PTCHD4: variants seen among roughly 807,000 people sequenced by gnomAD.
PTCHD4 encodes patched domain-containing protein 4.
A neutral mutation model predicts 58.1 loss-of-function variants in PTCHD4; 33 were observed. The ratio of observed to expected loss-of-function variants is 0.57; its 90% CI spans 0.43 to 0.76. PTCHD4 has a LOEUF of 0.76. Ranked by LOEUF, PTCHD4 falls within the 30% of genes least tolerant of loss-of-function variation. The pLI is 0.00. For synonymous variants in PTCHD4, 478 were observed against 409.6 expected (o/e 1.17, Z -2.02); for missense variants, 1,058 against 1,027.1 (o/e 1.03, Z -0.41).
chr6:47,862,540 A>T lies in PTCHD4; in HGVS notation c.*15763T>A, dbSNP rs946598469. ...TTGTCAATTTTTTTCTTCATATTTT[A>T]CTATTTATGGTCTAGTTTAACTTGG... On this transcript the variant is annotated 3_prime_UTR_variant, in exon 5 of 5. Coordinates refer to ENST00000339488, the MANE Select transcript of PTCHD4 (RefSeq NM_001384253.1). Among the ~76,000 whole-genome samples the T allele has an allele frequency of 2.0e-5, 3 of 151,640 alleles. No homozygotes were observed. Among genetic ancestry groups the T allele is most frequent in the African/African-American group, 7.3e-5 (3 of 41,378 alleles).
chr6:48,095,182 A>T (rs1582133549), intron 1 of PTCHD4, among the ~76,000 whole-genome samples: 1 of 152,236 alleles, frequency 6.6e-6, no homozygotes, highest in African/African-American at 2.4e-5. Flanking sequence ...ACTGCCAATT[A>T]TAAAGTATAA....
chr6:48,058,805 A>G (rs1764509382), intron 3 of PTCHD4, among the ~76,000 whole-genome samples: 1 of 152,214 alleles, frequency 6.6e-6, no homozygotes, highest in South Asian at 2.1e-4. Flanking sequence ...TAGCAAAGAG[A>G]GGTCACATTC....
intron 4 of PTCHD4, among the ~76,000 whole-genome samples, chr6:47,918,744 C>T (rs1459546210): frequency 6.6e-6 from 1 of 152,100 alleles, no homozygotes; most frequent in African/African-American, 2.4e-5. Context: ...CCTTCTTCTA[C>T]AATAACAGAA....
chr6:47,894,964 T>C (rs903283730), intron 4 of PTCHD4, among the ~76,000 whole-genome samples: 7 of 152,076 alleles, frequency 4.6e-5, no homozygotes, highest in Non-Finnish European at 7.4e-5. Flanking sequence ...AAACCTCGTC[T>C]CCACTAAAAA....
rs759558231 is a variant in PTCHD4 at position 48,068,479 on chromosome 6, G to A, written c.168C>T (p.Ser56=). 2.8e-5 allele frequency: 45 copies of A among 1,613,374 alleles called. No individual in the cohort carries two copies. The highest frequency in any genetic ancestry group is 1.6e-4 in the Middle Eastern group (1 of 6,084). The change falls in exon 3 of 5, where the codon AGC becomes AGT. Residue 56 remains serine (S), a synonymous_variant. Coordinates refer to ENST00000339488, the MANE Select transcript of PTCHD4 (RefSeq NM_001384253.1). This position sits in a 1 kb window ranked among gnomAD's most constrained non-coding sequence, Gnocchi z 4.2. ...PAVLTITFGL[S]ALNRFQPEGD... Reference sequence around the variant, plus strand: ...CCTCGGGCTGGAAGCGGTTGAGCGCGCTGAGGCCGAAGGTGATTGTCAGGA... The same window carrying A: ...CCTCGGGCTGGAAGCGGTTGAGCGCACTGAGGCCGAAGGTGATTGTCAGGA...
intron 3 of PTCHD4, among the ~76,000 whole-genome samples, chr6:48,059,786 C>T (rs1764552894): frequency 6.6e-6 from 1 of 152,138 alleles, no homozygotes; most frequent in Non-Finnish European, 1.5e-5. Context: ...ACCACCATCA[C>T]TCTTTAACCT....
Position 47,920,295 on chromosome 6 carries a change from A to G in PTCHD4, c.899-40359T>C, listed in dbSNP as rs375947318. 3.3e-5 allele frequency among the ~76,000 whole-genome samples: 5 copies of G among 152,112 alleles called. No homozygotes were observed. In the East Asian group the frequency reaches 7.7e-4, roughly 24 times the overall value. On this transcript the variant is annotated intron_variant, in intron 4 of 4. Coordinates refer to ENST00000339488, the MANE Select transcript of PTCHD4 (RefSeq NM_001384253.1). The stretch of plus-strand genomic sequence containing the variant: ...AGGATGGAGCTAGCAAAGGCAGAAA[A>G]TGTATATGTATATACGATGATGATT...
intron 4 of PTCHD4, among the ~76,000 whole-genome samples, chr6:47,912,472 C>T (rs965275516): frequency 6.6e-6 from 1 of 152,116 alleles, no homozygotes; most frequent in Non-Finnish European, 1.5e-5. Context: ...TTGCGTCCCC[C>T]AACACTAAAT....
intron 4 of PTCHD4, among the ~76,000 whole-genome samples, chr6:47,933,462 C>G (rs549787986): frequency 2.0e-5 from 3 of 152,292 alleles, no homozygotes; most frequent in African/African-American, 7.2e-5. Flanking sequence ...TCATTTTAGT[C>G]TAAATAAATT....
intron 4 of PTCHD4, among the ~76,000 whole-genome samples, chr6:47,983,278 T>G (rs1767950702): frequency 6.6e-6 from 1 of 152,168 alleles, no homozygotes; most frequent in African/African-American, 2.4e-5. Context: ...AAAAATGAAT[T>G]TCACCATATT....
chr6:47,904,251 G>A (rs1561949050), intron 4 of PTCHD4, among the ~76,000 whole-genome samples: 1 of 152,354 alleles, frequency 6.6e-6, no homozygotes, highest in Middle Eastern at 3.4e-3. Flanking sequence ...TGAAGGGTCA[G>A]TGCCAGTTAG....
At chr6:47,960,529 C>T (rs115552624) in intron 4 of PTCHD4, among the ~76,000 whole-genome samples, 1,851 of 151,836 alleles carry the variant, frequency 0.012, 35 homozygotes, top group African/African-American at 0.04. Flanking sequence ...ATCATGCTGA[C>T]GTGAACCAAA....
chr6:48,097,791 A>T (rs1765506008), intron 1 of PTCHD4, among the ~76,000 whole-genome samples: 1 of 152,236 alleles, frequency 6.6e-6, no homozygotes, highest in Non-Finnish European at 1.5e-5. Context: ...GAAAAAAATC[A>T]AAGCCATCAT....
chr6:47,967,942 C>T (rs765540081), intron 4 of PTCHD4, among the ~76,000 whole-genome samples: 4 of 152,152 alleles, frequency 2.6e-5, no homozygotes, highest in African/African-American at 4.8e-5. Context: ...GTTTCACTGT[C>T]TTGTCATTCA....
intron 1 of PTCHD4, among the ~76,000 whole-genome samples, chr6:48,103,811 C>T (rs1765659723): frequency 6.6e-6 from 1 of 152,136 alleles, no homozygotes. Context: ...AATGCACAAG[C>T]CTCAGTAACT....
In PTCHD4 at chr6:47,879,272, A is replaced by G. The variant is rs765374025; in HGVS notation, c.1563T>C (p.Tyr521=). 3 of 1,612,732 alleles carry G rather than the reference A, an allele frequency of 1.9e-6. No individual in the cohort carries two copies. The highest frequency in any genetic ancestry group is 2.5e-6 in the Non-Finnish European group (3 of 1,179,370). ...TGCTGTTCCAGTACTCTAGGGGCTCATAGACGTAGAATCCTATCACAGGGC... is the reference window on the plus strand; with the variant it reads ...TGCTGTTCCAGTACTCTAGGGGCTCGTAGACGTAGAATCCTATCACAGGGC... ...NYSPVIGFYV[Y]EPLEYWNSSV... is the part of the protein sequence containing the mutation. Residue 521 remains tyrosine (Y), a synonymous_variant, in exon 5 of 5, where the codon TAT becomes TAC. Transcript: ENST00000339488.
intron 1 of PTCHD4, among the ~76,000 whole-genome samples, chr6:48,100,564 A>T (rs1296493721): frequency 6.6e-6 from 1 of 152,204 alleles, no homozygotes; most frequent in Non-Finnish European, 1.5e-5. Context: ...CAGGATTTAG[A>T]ATTATAAGAA....
At chr6:48,039,385 A>G (rs1305694457) in intron 3 of PTCHD4, among the ~76,000 whole-genome samples, 1 of 152,088 alleles carries the variant, frequency 6.6e-6, no homozygotes, top group African/African-American at 2.4e-5. Context: ...AAAAAACTAT[A>G]AAAGAAAATA....
At chr6:48,098,182 C>T (rs1044927554) in intron 1 of PTCHD4, among the ~76,000 whole-genome samples, 1 of 152,096 alleles carries the variant, frequency 6.6e-6, no homozygotes, top group Non-Finnish European at 1.5e-5. Flanking sequence ...GGTTTCCCAA[C>T]ACAAAACAAC....
Sources: gnomAD v4.1 joint callset for allele counts (sites outside exome capture counted in the v4.1 genomes callset) on GRCh38, gnomAD v4.1.1 for gene constraint, Gnocchi (gnomAD v3.1) non-coding constraint, MANE v1.5 for transcripts, NCBI Gene and HGNC (gene_info 2026-07-23, HGNC 2026-07-21) for gene names.